RASA1: variants seen among roughly 807,000 people sequenced by gnomAD.
The protein encoded by RASA1 is ras GTPase-activating protein 1.
In RASA1, 25 loss-of-function variants were observed where a neutral mutation model predicts 132.2. That is an observed-to-expected ratio of 0.19 (90% CI 0.14 to 0.26). The LOEUF (loss-of-function observed/expected upper bound fraction) is 0.26, where lower values mean the gene tolerates loss of function less well. Ranked by LOEUF, RASA1 falls within the 10% of genes least tolerant of loss-of-function variation. RASA1 has a pLI of 1.00. For missense variants in RASA1, 964 were observed against 1,299.2 expected, an observed-to-expected ratio of 0.74 and a Z score of 3.97; for synonymous variants, 477 against 449.9, an observed-to-expected ratio of 1.06 and a Z score of -0.76.
intron 9 of RASA1, among the ~76,000 whole-genome samples, chr5:87,353,709 G>A (rs1255404035): frequency 6.6e-6 from 1 of 152,140 alleles, no homozygotes; most frequent in Admixed American, 6.6e-5. Context: ...TAGTAGTAAA[G>A]AGGAGAGTGA....
intron 1 of RASA1, among the ~76,000 whole-genome samples, chr5:87,329,031 T>TA (rs1368389766): frequency 1.3e-5 from 2 of 152,216 alleles, no homozygotes; most frequent in Non-Finnish European, 2.9e-5. Context: ...GTTTGAAGCT[T>TA]ACGACCTTTT....
chr5:87,360,466 G>T (rs767748086), intron 9 of RASA1, among the ~76,000 whole-genome samples: 2 of 152,114 alleles, frequency 1.3e-5, no homozygotes, highest in Non-Finnish European at 2.9e-5. Flanking sequence ...AGAGTACAGT[G>T]TCCATTGCTC....
chr5:87,285,618 CTTT>C (rs548410947), intron 1 of RASA1, among the ~76,000 whole-genome samples: 5 of 126,056 alleles, frequency 4.0e-5, no homozygotes, highest in Admixed American at 7.9e-5. Flanking sequence ...TTTTCTTTTT[CTTT>C]TTTTTTTTTT....
intron 6 of RASA1, among the ~76,000 whole-genome samples, chr5:87,343,976 A>G (rs2112406670): frequency 6.6e-6 from 1 of 152,320 alleles, no homozygotes; most frequent in African/African-American, 2.4e-5. Flanking sequence ...CAGAAAGACA[A>G]ATACCATGTG....
At chr5:87,322,917 T>C (rs1424359074) in intron 1 of RASA1, among the ~76,000 whole-genome samples, 1 of 152,116 alleles carries the variant, frequency 6.6e-6, no homozygotes, top group East Asian at 1.9e-4. Flanking sequence ...GGAAGAGAAG[T>C]GTGAGAGTGT....
At chr5:87,352,993 A>C (rs2112431226) in intron 8 of RASA1, among the ~76,000 whole-genome samples, 164 bp from the exon 9 acceptor site, 1 of 152,120 alleles carries the variant, frequency 6.6e-6, no homozygotes, top group Non-Finnish European at 1.5e-5. Flanking sequence ...TTTTTCTAAA[A>C]TAATATGAAT....
chr5:87,278,413 G>T (rs1754161086), intron 1 of RASA1, among the ~76,000 whole-genome samples: 1 of 151,930 alleles, frequency 6.6e-6, no homozygotes, highest in South Asian at 2.1e-4. Flanking sequence ...AAATTAGCTG[G>T]GCGTGGTGGT....
rs1232583853 is a variant in RASA1, at chr5:87,338,536, A to ATTTTTTTTTTT, written c.1017+449_1017+459dup. Among the ~76,000 whole-genome samples the ATTTTTTTTTTT allele has an allele frequency of 3.8e-4, 32 of 85,208 alleles. 1 individual carries two copies. Among genetic ancestry groups the ATTTTTTTTTTT allele is most frequent in the African/African-American group, 1.3e-3 (29 of 22,612 alleles). The allele number at this position is 85,208 out of a possible 152,430, so 55.9% of individuals were successfully genotyped here. ...ATATATATATATATATATATATAAA[A>ATTTTTTTTTTT]TTTTTTTTTTTTTTAAGTAGAAATG... On this transcript the variant is annotated intron_variant, in intron 5 of 24. Transcript: ENST00000274376.
At chr5:87,294,666 T>C (rs1755043619) in intron 1 of RASA1, among the ~76,000 whole-genome samples, 1 of 152,250 alleles carries the variant, frequency 6.6e-6, no homozygotes, top group Non-Finnish European at 1.5e-5. Context: ...GGAATTTTCC[T>C]ATGTTTTGTT....
intron 11 of RASA1, 152 bp from the exon 12 acceptor site, chr5:87,369,661 T>G: frequency 1.7e-6 from 1 of 577,216 alleles, no homozygotes; most frequent in Non-Finnish European, 3.0e-6. Flanking sequence ...ATAGCTGACT[T>G]TTTTTTAGTA....
At chr5:87,298,667 T>C (rs1256924244) in intron 1 of RASA1, among the ~76,000 whole-genome samples, 1 of 152,232 alleles carries the variant, frequency 6.6e-6, no homozygotes, top group Admixed American at 6.5e-5. Flanking sequence ...TTAGCTATTT[T>C]ATAAATCAAT....
chr5:87,363,784 T>G (rs10053169), intron 11 of RASA1, among the ~76,000 whole-genome samples: 7 of 152,126 alleles, frequency 4.6e-5, no homozygotes, highest in African/African-American at 1.7e-4. Flanking sequence ...TTTGAGTCTT[T>G]GTCACCTTTC....
chr5:87,377,035 T>G lies in RASA1; in HGVS notation c.2339T>G (p.Met780Arg), dbSNP rs1200117842. Residue 780 changes from methionine to arginine, a missense_variant, in exon 17 of 25, where the codon ATG becomes AGG. Met to Arg is a moderately conservative substitution (Grantham distance 91, BLOSUM62 -1). Around this residue, in one of 6 missense-constraint regions of RASA1, gnomAD observed 346 missense variants for 520.1 expected, o/e 0.67. Transcript: ENST00000274376. ...LCTLNDREISMEDEATTLFRA... is the reference protein window; with the variant it reads ...LCTLNDREISREDEATTLFRA... ...ACACTAAATGACAGAGAAATAAGCATGGAAGGTATGGTATGGCCATGTTAG... is the reference window on the plus strand; with the variant it reads ...ACACTAAATGACAGAGAAATAAGCAGGGAAGGTATGGTATGGCCATGTTAG... 13 of 1,613,414 alleles carry G rather than the reference T, an allele frequency of 8.1e-6. No individual in the cohort carries two copies. The highest frequency in any genetic ancestry group is 1.1e-5 in the Non-Finnish European group (13 of 1,179,486).
chr5:87,283,770 C>T (rs935644164), intron 1 of RASA1, among the ~76,000 whole-genome samples: 2 of 152,084 alleles, frequency 1.3e-5, no homozygotes, highest in African/African-American at 2.4e-5. Context: ...ATGCTACATT[C>T]CCACTTCTGT....
chr5:87,388,816 G>A (rs2112522853), intron 23 of RASA1, among the ~76,000 whole-genome samples: 1 of 152,184 alleles, frequency 6.6e-6, no homozygotes, highest in East Asian at 1.9e-4. Flanking sequence ...TTTCATCTAG[G>A]AATTTTAAGT....
At chr5:87,310,129 C>T (rs141465298) in intron 1 of RASA1, among the ~76,000 whole-genome samples, 20 of 152,200 alleles carry the variant, frequency 1.3e-4, no homozygotes, top group Admixed American at 5.9e-4. Flanking sequence ...TTTTGAAAAT[C>T]AATTGACTGC....
intron 1 of RASA1, among the ~76,000 whole-genome samples, chr5:87,325,060 T>C (rs1757127671): frequency 6.6e-6 from 1 of 152,112 alleles, no homozygotes; most frequent in Non-Finnish European, 1.5e-5. Context: ...CTTAATTGAC[T>C]CATAGTTCCG....
intron 1 of RASA1, among the ~76,000 whole-genome samples, chr5:87,321,919 G>A (rs1756844739): frequency 6.6e-6 from 1 of 152,234 alleles, no homozygotes. Context: ...CAGATGAAAG[G>A]AGGGCAGGAG....
rs946731966 is a variant in RASA1, at chr5:87,361,995, A to G, written c.1333-556A>G. Among the ~76,000 whole-genome samples the G allele has an allele frequency of 3.3e-5, 5 of 152,196 alleles. 1 individual carries two copies. The highest frequency in any genetic ancestry group is 2.0e-4 in the Admixed American group (3 of 15,278). ...AGGAGGATTATCTGAAATCATGGTT[A>G]TAACACCAGCTGTGGATGGATGGGT... On this transcript the variant is annotated intron_variant, in intron 9 of 24. Coordinates refer to ENST00000274376, the MANE Select transcript of RASA1 (RefSeq NM_002890.3).
Sources: gnomAD v4.1 joint callset for allele counts (sites outside exome capture counted in the v4.1 genomes callset) on GRCh38, gnomAD v4.1.1 for gene constraint, gnomAD v4.1.1 regional missense constraint, MANE v1.5 for transcripts, NCBI Gene and HGNC (gene_info 2026-07-23, HGNC 2026-07-21) for gene names.